The following EBF2 variants were observed in gnomAD, a reference collection of about 807,000 sequenced individuals.
EBF2 encodes the protein EBF transcription factor 2, also known as transcription factor COE2.
A neutral mutation model predicts 72.8 loss-of-function variants in EBF2; 21 were observed. The observed-to-expected ratio is 0.29, with a 90% CI of 0.20 to 0.42. The LOEUF (loss-of-function observed/expected upper bound fraction) is 0.42. Ranked by LOEUF, EBF2 falls within the 10% of genes least tolerant of loss-of-function variation. The probability of loss-of-function intolerance (pLI) is 1.00; values close to 1 mark genes in which losing one functional copy is unlikely to be tolerated. For missense variants in EBF2, 637 were observed against 731.2 expected (o/e 0.87, Z 1.49); for synonymous variants, 299 against 274.2 (o/e 1.09, Z -0.89).
chr8:25,916,969 A>G (rs1803227573), intron 6 of EBF2, among the ~76,000 whole-genome samples: 1 of 152,126 alleles, frequency 6.6e-6, no homozygotes, highest in Non-Finnish European at 1.5e-5. Context: ...CACTATGTAA[A>G]TCTGACTCCC....
chr8:26,010,097 A>G (rs1381584608), intron 6 of EBF2, among the ~76,000 whole-genome samples: 2 of 152,192 alleles, frequency 1.3e-5, no homozygotes, highest in Non-Finnish European at 2.9e-5. Flanking sequence ...GGGGAACAGA[A>G]AGAAAAGGAG....
intron 6 of EBF2, among the ~76,000 whole-genome samples, chr8:25,968,493 A>G (rs557152533): frequency 5.3e-5 from 8 of 152,300 alleles, no homozygotes; most frequent in Admixed American, 2.0e-4. Context: ...ATTCATAGAC[A>G]CAGAAAGCAG....
intron 6 of EBF2, among the ~76,000 whole-genome samples, chr8:26,018,632 C>T (rs1316805257): frequency 6.6e-6 from 1 of 151,670 alleles, no homozygotes; most frequent in Non-Finnish European, 1.5e-5. Context: ...GATTGTGCCA[C>T]TGCACTCCAG....
At chr8:25,885,399 C>G (rs1355404975) in intron 10 of EBF2, among the ~76,000 whole-genome samples, 1 of 152,166 alleles carries the variant, frequency 6.6e-6, no homozygotes, top group Non-Finnish European at 1.5e-5. Context: ...AATGAATCCC[C>G]AATTTCTCCT....
intron 6 of EBF2, among the ~76,000 whole-genome samples, chr8:25,919,469 A>G (rs994223169): frequency 6.6e-6 from 1 of 152,198 alleles, no homozygotes; most frequent in Non-Finnish European, 1.5e-5. Context: ...TGGCCAAAAG[A>G]TTAAGTCAAA....
In EBF2 at chr8:25,920,717, T is replaced by G. The variant is rs910447676; in HGVS notation, c.552-12162A>C. Among the ~76,000 whole-genome samples, 9 of 152,154 alleles carry G rather than the reference T, an allele frequency of 5.9e-5. No homozygotes were observed. The East Asian group carries it at 1.7e-3, about 29-fold the overall frequency. On this transcript the variant is annotated intron_variant, in intron 6 of 15. Coordinates refer to ENST00000520164, the MANE Select transcript of EBF2 (RefSeq NM_022659.4). ...CACTTTGGCTAATGGATTTTTTTTT[T>G]TCACCTAATATACACATTCCAGGAA...
In EBF2 at chr8:25,844,619, G is replaced by A. The variant is rs1801795349; in HGVS notation, c.1718C>T (p.Pro573Leu). 1 of 1,613,866 alleles carries A rather than the reference G, an allele frequency of 6.2e-7. No homozygotes were observed. The highest frequency in any genetic ancestry group is 1.7e-5 in the Admixed American group (1 of 59,990). The change falls in exon 16 of 16, where the codon CCC (proline) becomes CTC (leucine). Residue 573 changes from proline to leucine, a missense_variant. Physicochemically the swap from Pro to Leu is moderately conservative, Grantham distance 98. Transcript: ENST00000520164. ...GFRAMTGLVV[P>L]PM ...GAAAGCAGTTCTTCTTTACATCGGGGGTACAACAAGTCCGGTCATGGCTGC... is the reference window on the plus strand; with the variant it reads ...GAAAGCAGTTCTTCTTTACATCGGGAGTACAACAAGTCCGGTCATGGCTGC...
intron 14 of EBF2, among the ~76,000 whole-genome samples, chr8:25,851,578 A>G (rs1476523907): frequency 6.7e-6 from 1 of 150,318 alleles, no homozygotes; most frequent in Non-Finnish European, 1.5e-5. Context: ...TCTATGTTCA[A>G]CTTAAGAAAG....
chr8:25,965,752 G>A (rs932191600), intron 6 of EBF2, among the ~76,000 whole-genome samples: 7 of 152,156 alleles, frequency 4.6e-5, no homozygotes, highest in African/African-American at 1.4e-4. Context: ...TCACTGTAGG[G>A]CCCTAGAGTC....
intron 6 of EBF2, among the ~76,000 whole-genome samples, chr8:25,978,531 A>G (rs1332096565): frequency 1.3e-5 from 2 of 152,210 alleles, no homozygotes; most frequent in Non-Finnish European, 2.9e-5. Context: ...CATCGCAGCA[A>G]TGGTCCAAAC....
intron 6 of EBF2, among the ~76,000 whole-genome samples, chr8:25,963,393 C>A (rs150262148): frequency 4.5e-4 from 68 of 152,294 alleles, no homozygotes; most frequent in African/African-American, 1.6e-3. Context: ...AACATAAAGG[C>A]AGTTCTGTAA....
chr8:26,018,496 C>CAAAAAAAAAAAAAA (rs10555042), intron 6 of EBF2, among the ~76,000 whole-genome samples: 2 of 81,620 alleles, frequency 2.5e-5, no homozygotes, highest in South Asian at 4.7e-4. Flanking sequence ...ACTAAAAATA[C>CAAAAAAAAAAAAAA]AAAAAAAAAA....
intron 7 of EBF2, among the ~76,000 whole-genome samples, chr8:25,906,663 A>T (rs1803038075): frequency 6.6e-6 from 1 of 152,162 alleles, no homozygotes; most frequent in Non-Finnish European, 1.5e-5. Flanking sequence ...GCTACTCAGG[A>T]GGGTGAGGCA....
intron 6 of EBF2, among the ~76,000 whole-genome samples, chr8:26,029,997 C>T (rs894192581): frequency 9.2e-5 from 14 of 152,144 alleles, no homozygotes; most frequent in African/African-American, 2.7e-4. Flanking sequence ...CTGCAGCCTC[C>T]ACCTCCTGGG....
rs1012536708 is a variant in EBF2, at chr8:25,996,321, G to T, written c.551+36764C>A. 1.1e-4 allele frequency among the ~76,000 whole-genome samples: 16 copies of T among 150,640 alleles called. No homozygotes were observed. The East Asian group carries it at 3.1e-3, about 29-fold the overall frequency. ...AAAAAAAAAAAAAAAAATGAAGAAGGTTGAAGAAGATGTGAAAAACATTAA... is the reference window on the plus strand; with the variant it reads ...AAAAAAAAAAAAAAAAATGAAGAAGTTTGAAGAAGATGTGAAAAACATTAA... On this transcript the variant is annotated intron_variant, in intron 6 of 15. Transcript: ENST00000520164.
At chr8:26,007,093 A>G (rs772384956) in intron 6 of EBF2, among the ~76,000 whole-genome samples, 1 of 152,240 alleles carries the variant, frequency 6.6e-6, no homozygotes, top group Non-Finnish European at 1.5e-5. Flanking sequence ...TCACTGAGAG[A>G]TGAAGTATGA....
intron 7 of EBF2, among the ~76,000 whole-genome samples, chr8:25,897,648 A>G (rs1802881388): frequency 6.6e-6 from 1 of 152,186 alleles, no homozygotes; most frequent in Non-Finnish European, 1.5e-5. Context: ...TTATTTGTTT[A>G]GGATCATGGC....
At chr8:25,849,418 C>G (rs2117245696) in intron 15 of EBF2, among the ~76,000 whole-genome samples, 1 of 152,322 alleles carries the variant, frequency 6.6e-6, no homozygotes, top group South Asian at 2.1e-4. Context: ...ATCAAACCAC[C>G]AGGCAGATGC....
chr8:25,858,545 G>A, intron 13 of EBF2, 41 bp from the exon 14 acceptor site: 1 of 1,585,730 alleles, frequency 6.3e-7, no homozygotes. Context: ...CAACAGGCGT[G>A]CACAGTCAGG....
Sources: allele counts gnomAD v4.1 joint callset (sites outside exome capture counted in the v4.1 genomes callset), GRCh38; gene constraint gnomAD v4.1.1; transcripts MANE v1.5; gene names NCBI Gene and HGNC (gene_info 2026-07-23, HGNC 2026-07-21).